Variants in ANK3 observed in about 807,000 individuals in gnomAD.
The protein encoded by ANK3 is ankyrin-3.
In ANK3, 57 loss-of-function variants were observed where a neutral mutation model predicts 370.9. The observed-to-expected ratio is 0.15, with a 90% CI of 0.12 to 0.19. The LOEUF is 0.19. ANK3 is among the 10% of genes least tolerant of loss of function. ANK3 has a pLI of 1.00. For synonymous variants in ANK3, 1,929 were observed against 1,946.3 expected (o/e 0.99, Z 0.23); for missense variants, 4,439 against 5,302.1 (o/e 0.84, Z 5.06).
At chr10:60,051,190 A>AT (rs2077916021) in intron 42 of ANK3, among the ~76,000 whole-genome samples, 1 of 152,200 alleles carries the variant, frequency 6.6e-6, no homozygotes, top group Non-Finnish European at 1.5e-5. Flanking sequence ...GCTCATTCAC[A>AT]TAACACTTCT....
chr10:60,673,541 G>A (rs541089183), intron 1 of ANK3, among the ~76,000 whole-genome samples: 168 of 152,014 alleles, frequency 1.1e-3, no homozygotes, highest in African/African-American at 3.8e-3. Flanking sequence ...TAGTAGAGAT[G>A]GGGTTCCACC....
chr10:60,626,361 T>C (rs758910673), intron 1 of ANK3, among the ~76,000 whole-genome samples: 4 of 152,194 alleles, frequency 2.6e-5, no homozygotes, highest in Non-Finnish European at 5.9e-5. Flanking sequence ...GTAGGTCTAA[T>C]AACAACTATA....
chr10:60,104,654 C>T (rs1169842138), intron 28 of ANK3, among the ~76,000 whole-genome samples: 2 of 152,136 alleles, frequency 1.3e-5, no homozygotes, highest in African/African-American at 4.8e-5. Flanking sequence ...GAATGCTAGA[C>T]ACTCAACAAT....
chr10:60,475,821 G>A (rs1177523873), intron 2 of ANK3, among the ~76,000 whole-genome samples: 1 of 150,786 alleles, frequency 6.6e-6, no homozygotes, highest in South Asian at 2.1e-4. Context: ...TCATGGGACG[G>A]AGTCGCTTTC....
chr10:60,129,992 G>A (rs754364684), intron 25 of ANK3, among the ~76,000 whole-genome samples: 3 of 152,174 alleles, frequency 2.0e-5, no homozygotes, highest in Non-Finnish European at 4.4e-5. Context: ...TAAATACAGA[G>A]TTAGAGGAAT....
chr10:60,038,703 G>A (rs1389335953), intron 43 of ANK3, among the ~76,000 whole-genome samples: 1 of 152,090 alleles, frequency 6.6e-6, no homozygotes, highest in East Asian at 1.9e-4. Flanking sequence ...GTGTGTGTGT[G>A]TTTTAATGTT....
chr10:60,638,241 G>A (rs1442188053), intron 1 of ANK3, among the ~76,000 whole-genome samples: 2 of 152,174 alleles, frequency 1.3e-5, no homozygotes, highest in African/African-American at 4.8e-5. Context: ...AATAATTCAT[G>A]TTGCCATCAG....
At chr10:60,049,589 A>G (rs2077543286) in intron 42 of ANK3, among the ~76,000 whole-genome samples, 1 of 152,206 alleles carries the variant, frequency 6.6e-6, no homozygotes, top group African/African-American at 2.4e-5. Context: ...CTGTCTCAAA[A>G]AAAAAGTATT....
chr10:60,080,942 T>C (rs1183656069), intron 35 of ANK3, among the ~76,000 whole-genome samples: 2 of 152,250 alleles, frequency 1.3e-5, no homozygotes, highest in Admixed American at 6.5e-5. Context: ...ACTCACTCTA[T>C]GTGAGTACAT....
At chr10:60,519,517 A>T (rs1311959925) in intron 2 of ANK3, among the ~76,000 whole-genome samples, 14 of 152,166 alleles carry the variant, frequency 9.2e-5, no homozygotes, top group Admixed American at 7.2e-4. Flanking sequence ...ATCTTGCCCC[A>T]GTTCCTCATT....
chr10:60,064,907 T>C (rs945063177), intron 38 of ANK3, among the ~76,000 whole-genome samples: 2 of 152,182 alleles, frequency 1.3e-5, no homozygotes, highest in African/African-American at 4.8e-5. Flanking sequence ...GGATGTTGGA[T>C]GATTGTTTTA....
intron 1 of ANK3, among the ~76,000 whole-genome samples, chr10:60,339,399 G>A (rs1004366344): frequency 7.2e-5 from 11 of 152,220 alleles, no homozygotes; most frequent in Admixed American, 2.0e-4. Context: ...ACATGTCATC[G>A]TGTCCCATGC....
intron 25 of ANK3, among the ~76,000 whole-genome samples, chr10:60,132,323 G>A (rs928348438): frequency 3.9e-5 from 6 of 152,114 alleles, no homozygotes; most frequent in Non-Finnish European, 8.8e-5. Context: ...CACCTGTTGT[G>A]GGAGGGACCT....
chr10:60,227,003 C>G (rs1049362741), intron 8 of ANK3, among the ~76,000 whole-genome samples: 1 of 151,566 alleles, frequency 6.6e-6, no homozygotes, highest in African/African-American at 2.4e-5. Flanking sequence ...GCTGTTCTTT[C>G]CTTTATGTAG....
chr10:60,189,828 A>G (rs753255516), intron 16 of ANK3, among the ~76,000 whole-genome samples: 6 of 152,364 alleles, frequency 3.9e-5, no homozygotes, highest in Middle Eastern at 6.8e-3. Context: ...AAGCAAATGC[A>G]ATTTGAAATT....
chr10:60,519,082 C>T (rs1334446949), intron 2 of ANK3, among the ~76,000 whole-genome samples: 2 of 152,124 alleles, frequency 1.3e-5, no homozygotes, highest in African/African-American at 4.8e-5. Flanking sequence ...ACCCTTGCTT[C>T]CCTCCTTGCT....
chr10:60,520,250 G>A (rs1374105677), intron 2 of ANK3, among the ~76,000 whole-genome samples: 1 of 151,998 alleles, frequency 6.6e-6, no homozygotes, highest in East Asian at 1.9e-4. Context: ...ACACAAAGAT[G>A]GGAACAATAG....
At chr10:60,612,637 G>A (rs751117210) in intron 2 of ANK3, among the ~76,000 whole-genome samples, 2 of 152,206 alleles carry the variant, frequency 1.3e-5, no homozygotes, top group South Asian at 2.1e-4. Flanking sequence ...GATTACAGGC[G>A]CTTGCCACCA....
chr10:60,520,322 T>C (rs2105463), intron 2 of ANK3, among the ~76,000 whole-genome samples: 73,500 of 151,906 alleles, frequency 0.48, 18,133 homozygotes, highest in South Asian at 0.56. Flanking sequence ...TATTGAGTAC[T>C]ATGCTCACTA....
Sources: allele counts gnomAD v4.1 joint callset (sites outside exome capture counted in the v4.1 genomes callset), GRCh38; gene constraint gnomAD v4.1.1; transcripts MANE v1.5; gene names NCBI Gene and HGNC (gene_info 2026-07-23, HGNC 2026-07-21).